Variants in MEGF10 observed in about 807,000 individuals in gnomAD.
MEGF10 encodes the protein multiple epidermal growth factor-like domains protein 10.
A neutral mutation model predicts 147.5 loss-of-function variants in MEGF10; 86 were observed. The ratio of observed to expected loss-of-function variants is 0.58; its 90% CI spans 0.49 to 0.70. The LOEUF is 0.70. Ranked by LOEUF, MEGF10 falls within the 30% of genes least tolerant of loss-of-function variation. The pLI, the probability that MEGF10 is intolerant of heterozygous loss-of-function variation, is 0.00. For synonymous variants in MEGF10, 478 were observed against 525.5 expected (o/e 0.91, Z 1.24); for missense variants, 1,329 against 1,487.3 (o/e 0.89, Z 1.75).
chr5:127,284,891 A>G, the MEGF10 span, among the ~76,000 whole-genome samples: 534 of 152,288 alleles, frequency 3.5e-3, 2 homozygotes, highest in African/African-American at 0.012. Context: ...CTTGTTTGCT[A>G]AGAGGTAGAA....
intron 2 of MEGF10, among the ~76,000 whole-genome samples, chr5:127,338,470 T>C (rs935574815): frequency 6.6e-6 from 1 of 152,106 alleles, no homozygotes; most frequent in Non-Finnish European, 1.5e-5. Flanking sequence ...TGAAAATGTA[T>C]TGGAAAACAG....
the MEGF10 span, among the ~76,000 whole-genome samples, chr5:127,256,594 C>T: frequency 6.6e-6 from 1 of 152,118 alleles, no homozygotes; most frequent in African/African-American, 2.4e-5. Flanking sequence ...GATCTCTCTC[C>T]CTTGCAGTGA....
At chr5:127,341,561 A>G (rs1256706907) in intron 4 of MEGF10, among the ~76,000 whole-genome samples, 4 of 152,274 alleles carry the variant, frequency 2.6e-5, no homozygotes, top group Admixed American at 6.5e-5. Flanking sequence ...TCTCAGAGAT[A>G]GGGCTTGGAA....
intron 8 of MEGF10, among the ~76,000 whole-genome samples, chr5:127,408,241 A>G (rs1764410695): frequency 6.6e-6 from 1 of 152,224 alleles, no homozygotes; most frequent in African/African-American, 2.4e-5. Flanking sequence ...TGTGCTTTTT[A>G]CCAAGTTGAA....
the MEGF10 span, among the ~76,000 whole-genome samples, chr5:127,256,513 T>C: frequency 3.3e-5 from 5 of 152,274 alleles, no homozygotes; most frequent in African/African-American, 9.6e-5. Flanking sequence ...TTCCTTCGAC[T>C]GACCACCCCC....
At chr5:127,447,808 T>C (rs1766006634) in intron 21 of MEGF10, 124 bp downstream of exon 21, 2 of 1,238,178 alleles carry the variant, frequency 1.6e-6, no homozygotes, top group Admixed American at 4.8e-5. Context: ...ATCTAATTTA[T>C]TCCTCTAAAC....
chr5:127,356,899 AC>A (rs1762298341), intron 4 of MEGF10, among the ~76,000 whole-genome samples: 1 of 152,164 alleles, frequency 6.6e-6, no homozygotes, highest in Admixed American at 6.5e-5. Context: ...CATGTCTCAA[AC>A]TTTTTTGACC....
the MEGF10 span, among the ~76,000 whole-genome samples, chr5:127,257,880 G>A: frequency 6.6e-6 from 1 of 152,094 alleles, no homozygotes; most frequent in South Asian, 2.1e-4. Flanking sequence ...ATTTGAAAGT[G>A]GTAAGAGCTG....
chr5:127,437,874 T>A (rs930880482), intron 16 of MEGF10, among the ~76,000 whole-genome samples: 4 of 152,228 alleles, frequency 2.6e-5, no homozygotes, highest in African/African-American at 9.6e-5. Flanking sequence ...TAACCTCTCT[T>A]GAGTCAAGTC....
chr5:127,435,073 T>TA (rs1271655532), intron 15 of MEGF10, among the ~76,000 whole-genome samples: 5 of 152,124 alleles, frequency 3.3e-5, no homozygotes, highest in African/African-American at 1.2e-4. Context: ...TGTCCTCCCA[T>TA]AAAAAATCAA....
At chr5:127,269,692 C>T in the MEGF10 span, among the ~76,000 whole-genome samples, 6 of 152,248 alleles carry the variant, frequency 3.9e-5, no homozygotes, top group South Asian at 2.1e-4. Context: ...AGAAATTCCC[C>T]GATCTAGCAA....
intron 4 of MEGF10, among the ~76,000 whole-genome samples, chr5:127,360,875 T>G (rs987415703): frequency 5.3e-5 from 8 of 151,746 alleles, no homozygotes; most frequent in Non-Finnish European, 7.4e-5. Flanking sequence ...TATATATATA[T>G]ATATGTTGGA....
chr5:127,375,559 G>T (rs1762993990), intron 5 of MEGF10, among the ~76,000 whole-genome samples: 1 of 152,068 alleles, frequency 6.6e-6, no homozygotes. Flanking sequence ...ACCTTTATTG[G>T]CATCCTAATG....
chr5:127,436,902 G>C (rs183513941), intron 16 of MEGF10, among the ~76,000 whole-genome samples: 1 of 152,316 alleles, frequency 6.6e-6, no homozygotes, highest in African/African-American at 2.4e-5. Context: ...TGAAAACACA[G>C]ACTTTGAAAA....
At position 127,451,019 on chromosome 5, in the gene MEGF10, A is replaced by G. The variant is rs1289986418; in HGVS notation, c.2980+1797A>G. Among the ~76,000 whole-genome samples, 3 of 152,134 alleles carry G rather than the reference A, an allele frequency of 2.0e-5. No individual in the cohort carries two copies. In the East Asian group the frequency reaches 5.8e-4, roughly 29 times the overall value. On this transcript the variant is annotated intron_variant, in intron 22 of 24. Transcript: ENST00000503335. ...AGTGATCTTCTTGCCTCAGCCTCCCAAAGTGCTGGGATTACAGGCATGAGC... is the reference window on the plus strand; with the variant it reads ...AGTGATCTTCTTGCCTCAGCCTCCCGAAGTGCTGGGATTACAGGCATGAGC...
chr5:127,247,014 A>G, the MEGF10 span, among the ~76,000 whole-genome samples: 1 of 36,830 alleles, frequency 2.7e-5, no homozygotes, highest in Admixed American at 3.1e-4. Context: ...ATATAGACAC[A>G]CCATACATAC....
the MEGF10 span, among the ~76,000 whole-genome samples, chr5:127,236,247 A>G: frequency 6.6e-6 from 1 of 152,246 alleles, no homozygotes; most frequent in African/African-American, 2.4e-5. Context: ...CTGGGATTAC[A>G]GGCGTGAGCC....
rs376214992 is a variant in MEGF10, at chr5:127,377,180, G to A, written c.412+7178G>A. 2.9e-4 allele frequency among the ~76,000 whole-genome samples: 44 copies of A among 152,284 alleles called. No individual in the cohort carries two copies. In the East Asian group the frequency reaches 6.6e-3, roughly 23 times the overall value. The stretch of plus-strand genomic sequence containing the variant: ...ATGTATGACTTACTTTAAGCAATAT[G>A]TATATGCAACTCCTGAGATCTTTCT... On this transcript the variant is annotated intron_variant, in intron 5 of 24. Coordinates refer to ENST00000503335, the MANE Select transcript of MEGF10 (RefSeq NM_001256545.2).
At chr5:127,424,863 T>G (rs79812231) in intron 13 of MEGF10, 2,848 of 152,982 alleles carry the variant, frequency 0.019, 54 homozygotes, top group South Asian at 0.078. Context: ...GTGACTTCAC[T>G]AGGGTTCTTG....
Sources: gnomAD v4.1 joint callset for allele counts (sites outside exome capture counted in the v4.1 genomes callset) on GRCh38, gnomAD v4.1.1 for gene constraint, MANE v1.5 for transcripts, NCBI Gene and HGNC (gene_info 2026-07-23, HGNC 2026-07-21) for gene names.